The following PHF6 variants were observed in gnomAD, a reference collection of about 807,000 sequenced individuals.
PHF6 encodes the protein PHD-like zinc finger protein.
Under a neutral mutation model 34.0 loss-of-function variants are expected in PHF6, and 7 were observed. The ratio of observed to expected loss-of-function variants is 0.21; its 90% CI spans 0.12 to 0.39. The LOEUF is 0.39. Ranked by LOEUF, PHF6 falls within the 10% of genes least tolerant of loss-of-function variation. The probability of loss-of-function intolerance (pLI) is 1.00; values close to 1 mark genes in which losing one functional copy is unlikely to be tolerated. For missense variants in PHF6, 128 were observed against 262.8 expected, an observed-to-expected ratio of 0.49 and a Z score of 3.55; for synonymous variants, 89 against 88.4, an observed-to-expected ratio of 1.01 and a Z score of -0.04.
intron 5 of PHF6, among the ~76,000 whole-genome samples, chrX:134,398,727 C>T (rs761021614): frequency 3.6e-5 from 4 of 111,383 alleles, no homozygotes; most frequent in Non-Finnish European, 5.7e-5. Flanking sequence ...AAATGGGTGA[C>T]GGAGGGTGCC....
rs189661212 is a variant in PHF6 at position 134,401,452 on chromosome X, A to G, written c.418+7500A>G. Reference sequence around the variant, plus strand: ...TTTTGTTTAGGGGGAGTGGGGGAGGACATAATTAAGTGACAGATATGTGAC... The same window carrying G: ...TTTTGTTTAGGGGGAGTGGGGGAGGGCATAATTAAGTGACAGATATGTGAC... On this transcript the variant is annotated intron_variant, in intron 5 of 10. Coordinates refer to ENST00000370803, the MANE Select transcript of PHF6 (RefSeq NM_001015877.2). Among the ~76,000 whole-genome samples, 705 of 111,586 alleles carry G rather than the reference A, an allele frequency of 6.3e-3. 5 individuals are homozygous for G. The highest frequency in any genetic ancestry group is 0.022 in the African/African-American group (673 of 30,606).
Position 134,428,647 on chromosome X carries a change from A to G in PHF6, c.*2987A>G, listed in dbSNP as rs2077514894. On this transcript the variant is annotated 3_prime_UTR_variant, in exon 11 of 11. Transcript: ENST00000370803. ...AAGATAAGGAATGCATTATGGGTCA[A>G]AAATCAAACATTCCTCTCATGTTAT... The G allele has an allele frequency of 6.8e-6, 1 of 147,568 alleles. No homozygotes were observed. The highest frequency in any genetic ancestry group is 1.3e-5 in the Non-Finnish European group (1 of 74,299). 12.2% of individuals were successfully genotyped at this position (147,568 alleles called of 1,213,427 possible). A position where few individuals can be genotyped will look rare whatever the true frequency, so the allele number is the denominator to read the frequency against.
At chrX:134,408,234 A>C (rs1456228628) in intron 5 of PHF6, among the ~76,000 whole-genome samples, 5 of 112,335 alleles carry the variant, frequency 4.5e-5, no homozygotes, top group African/African-American at 1.6e-4. Flanking sequence ...AGGCCTAAGG[A>C]TTTATCTATT....
intron 4 of PHF6, 130 bp from the exon 5 acceptor site, chrX:134,393,779 A>T (rs1197937578): frequency 1.3e-6 from 1 of 779,374 alleles, no homozygotes; most frequent in Non-Finnish European, 1.9e-6. Context: ...GAGAAATAGT[A>T]CAGGAAGTTT....
At position 134,426,087 on chromosome X, in the gene PHF6, G is replaced by T; in HGVS notation, c.*427G>T. The T allele has an allele frequency of 7.5e-6, 1 of 133,364 alleles. No homozygotes were observed. The highest frequency in any genetic ancestry group is 1.3e-5 in the Non-Finnish European group (1 of 76,966). 11.0% of individuals were successfully genotyped at this position (133,364 alleles called of 1,213,427 possible). A position where few individuals can be genotyped will look rare whatever the true frequency, so the allele number is the denominator to read the frequency against. On this transcript the variant is annotated 3_prime_UTR_variant, in exon 11 of 11. Transcript: ENST00000370803. ...CACTGGTGGCAGCACATGGTAATTT[G>T]TGGATTTTTTTTTCATACTCAAGTA... is the stretch of plus-strand genomic sequence containing the variant.
intron 1 of PHF6, 43 bp from the exon 2 acceptor site, chrX:134,377,529 T>G: frequency 9.8e-7 from 1 of 1,019,416 alleles, no homozygotes. Flanking sequence ...ATAAACTGAT[T>G]TTAAAATAAA....
intron 9 of PHF6, chrX:134,418,169 A>AC (rs944242574): frequency 1.8e-5 from 2 of 111,327 alleles, no homozygotes; most frequent in Non-Finnish European, 1.9e-5. Context: ...CCCGGGTGAG[A>AC]CAGAAGCAGA....
At chrX:134,419,653 A>G (rs1236963061) in intron 9 of PHF6, 1 of 111,252 alleles carries the variant, frequency 9.0e-6, no homozygotes, top group Non-Finnish European at 1.9e-5. Flanking sequence ...TGTGGGGTGG[A>G]TAAGGCCCTC....
chrX:134,391,339 G>A (rs1020856277), intron 3 of PHF6, among the ~76,000 whole-genome samples: 3 of 112,061 alleles, frequency 2.7e-5, no homozygotes, highest in African/African-American at 9.7e-5. Flanking sequence ...ATTCTACAAT[G>A]AATGTGCTTG....
chrX:134,403,724 G>A lies in PHF6; in HGVS notation c.419-9767G>A, dbSNP rs375759010. Reference sequence around the variant, plus strand: ...AAAAGACAGTCTGAGTCTTGTTAGGGGCTAATGCAGCTGGTGATTTTAAAA... The same window carrying A: ...AAAAGACAGTCTGAGTCTTGTTAGGAGCTAATGCAGCTGGTGATTTTAAAA... On this transcript the variant is annotated intron_variant, in intron 5 of 10. Coordinates refer to ENST00000370803, the MANE Select transcript of PHF6 (RefSeq NM_001015877.2). 3.6e-5 allele frequency among the ~76,000 whole-genome samples: 4 copies of A among 111,596 alleles called. No homozygotes were observed. In the East Asian group the frequency reaches 1.1e-3, roughly 31 times the overall value.
intron 5 of PHF6, among the ~76,000 whole-genome samples, chrX:134,402,842 C>T (rs1271932565): frequency 9.0e-6 from 1 of 111,475 alleles, no homozygotes; most frequent in Non-Finnish European, 1.9e-5. Context: ...TTTTTTTATC[C>T]GTTATGGTGA....
chrX:134,390,910 A>AT (rs1301008456), intron 3 of PHF6, among the ~76,000 whole-genome samples: 1 of 107,134 alleles, frequency 9.3e-6, no homozygotes, highest in Non-Finnish European at 1.9e-5. Context: ...GCTGTAGAAC[A>AT]TTCTCTCATA....
intron 8 of PHF6, among the ~76,000 whole-genome samples, chrX:134,416,681 C>G (rs1203947819): frequency 1.8e-5 from 2 of 112,127 alleles, no homozygotes; most frequent in Non-Finnish European, 3.8e-5. Context: ...TCCGAACATT[C>G]TTCAGGCAAG....
At chrX:134,381,050 T>G (rs2077305283) in intron 3 of PHF6, among the ~76,000 whole-genome samples, 1 of 110,406 alleles carries the variant, frequency 9.1e-6, no homozygotes, top group East Asian at 2.8e-4. Context: ...AGAGACAGGG[T>G]TTTGCCACAT....
In PHF6 at chrX:134,413,316, A is replaced by T. The variant is rs189979402; in HGVS notation, c.419-175A>T. Among the ~76,000 whole-genome samples, 1,249 of 111,982 alleles carry T rather than the reference A, an allele frequency of 0.011. 6 individuals carry two copies. Among genetic ancestry groups the T allele is most frequent in the Non-Finnish European group, 0.017 (917 of 53,194 alleles). ...TAATTTACTAAACTATTTGTATTTG[A>T]TTTTTATTGCATTTATCTGAAACAT... On this transcript the variant is annotated intron_variant, in intron 5 of 10. Coordinates refer to ENST00000370803, the MANE Select transcript of PHF6 (RefSeq NM_001015877.2).
chrX:134,425,235 A>G lies in PHF6; in HGVS notation c.1003A>G (p.Arg335Gly). ...YCKNHSGNDERDEEDEERESK... is the reference protein window; with the variant it reads ...YCKNHSGNDEGDEEDEERESK... ...TAAAAATCATAGTGGAAATGATGAG[A>G]GAGATGAAGAAGATGAGGAACGAGA... The change falls in exon 10 of 11, where the codon AGA becomes GGA. Residue 335 changes from arginine (R) to glycine (G), a missense_variant. Transcript: ENST00000370803. 8.3e-7 allele frequency: 1 copy of G among 1,210,033 alleles called. No individual in the cohort carries two copies. Among genetic ancestry groups the G allele is most frequent in the Non-Finnish European group, 1.1e-6 (1 of 894,082 alleles).
At chrX:134,380,149 CTT>C (rs749900020) in intron 3 of PHF6, among the ~76,000 whole-genome samples, 15 of 96,250 alleles carry the variant, frequency 1.6e-4, no homozygotes, top group East Asian at 6.5e-4. Context: ...TTATTTGGAC[CTT>C]TTTTTTTTTT....
intron 3 of PHF6, among the ~76,000 whole-genome samples, chrX:134,389,727 T>C (rs945103417): frequency 1.8e-5 from 2 of 111,925 alleles, no homozygotes; most frequent in Non-Finnish European, 3.8e-5. Context: ...TGAAACATTC[T>C]TGCCACGTTC....
intron 9 of PHF6, 175 bp downstream of exon 9, chrX:134,417,477 C>T: frequency 2.2e-6 from 1 of 456,691 alleles, no homozygotes; most frequent in Non-Finnish European, 3.7e-6. Flanking sequence ...CTACATATCC[C>T]TGGATTAGCA....
Sources: gnomAD v4.1 joint callset for allele counts (sites outside exome capture counted in the v4.1 genomes callset) on GRCh38, gnomAD v4.1.1 for gene constraint, MANE v1.5 for transcripts, NCBI Gene and HGNC (gene_info 2026-07-23, HGNC 2026-07-21) for gene names.